The following SPOP variants were observed in gnomAD, a reference collection of about 807,000 sequenced individuals.
SPOP encodes speckle type BTB/POZ protein.
Under a neutral mutation model 45.6 loss-of-function variants are expected in SPOP, and 11 were observed. That is an observed-to-expected ratio of 0.24 (90% CI 0.15 to 0.40). The LOEUF is 0.40. Ranked by LOEUF, SPOP falls within the 10% of genes least tolerant of loss-of-function variation. The pLI is 1.00. For synonymous variants in SPOP, 166 were observed against 166.3 expected (o/e 1.00, Z 0.01); for missense variants, 152 against 465.6 (o/e 0.33, Z 6.20).
intron 1 of SPOP, among the ~76,000 whole-genome samples, chr17:49,664,972 A>C (rs1009971894): frequency 6.6e-6 from 1 of 152,132 alleles, no homozygotes; most frequent in Non-Finnish European, 1.5e-5. Flanking sequence ...TGTTTTTTTC[A>C]ACCCTGCATG....
At chr17:49,665,649 G>GACAC (rs71352530) in intron 1 of SPOP, among the ~76,000 whole-genome samples, 8,057 of 126,594 alleles carry the variant, frequency 0.064, 329 homozygotes, top group Non-Finnish European at 0.072. Flanking sequence ...TATATATACA[G>GACAC]ACACACACAC....
chr17:49,599,860 T>C lies in SPOP; in HGVS notation c.*518A>G. The C allele has an allele frequency of 4.6e-6, 1 of 219,300 alleles. No homozygotes were observed. The highest frequency in any genetic ancestry group is 6.8e-5 in the East Asian group (1 of 14,676). 13.6% of individuals were successfully genotyped at this position (219,300 alleles called of 1,614,324 possible). On this transcript the variant is annotated 3_prime_UTR_variant, in exon 10 of 10. Transcript: ENST00000504102. ...TATGGTGGTAAGGAGTTTTCACAAA[T>C]ATCCAAGTTTTAGCACAGTTAGAAG...
Position 49,649,555 on chromosome 17 carries a change from G to A in SPOP, c.-66-26679C>T, listed in dbSNP as rs1029127390. Among the ~76,000 whole-genome samples, 5 of 150,786 alleles carry A rather than the reference G, an allele frequency of 3.3e-5. No homozygotes were observed. In the South Asian group the frequency reaches 8.4e-4, roughly 25 times the overall value. On this transcript the variant is annotated intron_variant, in intron 1 of 9. Transcript: ENST00000504102. ...CGGTCTCAGAAAAAAAGAAGAGGCCGGGCGCGGTGGCTCACGCCTGTAATC... is the reference window on the plus strand; with the variant it reads ...CGGTCTCAGAAAAAAAGAAGAGGCCAGGCGCGGTGGCTCACGCCTGTAATC...
At chr17:49,623,298 G>A (rs2143305844) in intron 1 of SPOP, among the ~76,000 whole-genome samples, 1 of 152,190 alleles carries the variant, frequency 6.6e-6, no homozygotes, top group Non-Finnish European at 1.5e-5. Context: ...GTGAGCCACC[G>A]CACCCAGCCG....
In SPOP at chr17:49,641,257, T is replaced by C. The variant is rs1235737027; in HGVS notation, c.-66-18381A>G. 4.1e-5 allele frequency among the ~76,000 whole-genome samples: 4 copies of C among 97,552 alleles called. No individual in the cohort carries two copies. The Admixed American group carries it at 5.9e-4, about 14-fold the overall frequency. The allele number at this position is 97,552 out of a possible 152,430, so 64.0% of individuals were successfully genotyped here. On this transcript the variant is annotated intron_variant, in intron 1 of 9. Transcript: ENST00000504102. Reference sequence around the variant, plus strand: ...CAGCCTGGATGACAGAGCAAGACTCTGTCTCCAAAAAAAAAAAAAAAAAAA... The same window carrying C: ...CAGCCTGGATGACAGAGCAAGACTCCGTCTCCAAAAAAAAAAAAAAAAAAA...
In SPOP at chr17:49,677,930, C is replaced by T. The variant is rs888168311; in HGVS notation, c.-67+3G>A. On this transcript the variant is annotated splice_donor_region_variant and intron_variant, in intron 1 of 9. Transcript: ENST00000504102. Reference sequence around the variant, plus strand: ...CTCCCTCGACTCTCCTCCCCCCACTCACCTGAGAGCGGCGGCGACAGCTGC... The same window carrying T: ...CTCCCTCGACTCTCCTCCCCCCACTTACCTGAGAGCGGCGGCGACAGCTGC... The T allele has an allele frequency of 2.5e-5, 9 of 361,312 alleles. No homozygotes were observed. The highest frequency in any genetic ancestry group is 1.7e-4 in the African/African-American group (8 of 47,060). The allele number at this position is 361,312 out of a possible 1,614,324, so 22.4% of individuals were successfully genotyped here.
intron 1 of SPOP, among the ~76,000 whole-genome samples, chr17:49,666,583 T>A (rs922981063): frequency 6.6e-6 from 1 of 152,124 alleles, no homozygotes; most frequent in African/African-American, 2.4e-5. Context: ...ATCCCAGTAC[T>A]TTGAAAGGCC....
chr17:49,662,538 C>T (rs992585724), intron 1 of SPOP, among the ~76,000 whole-genome samples: 6 of 151,938 alleles, frequency 3.9e-5, no homozygotes, highest in Non-Finnish European at 5.9e-5. Flanking sequence ...AAAAATTAGC[C>T]GGGCACCACC....
chr17:49,662,203 C>A (rs1039691597), intron 1 of SPOP, among the ~76,000 whole-genome samples: 34 of 151,472 alleles, frequency 2.2e-4, no homozygotes, highest in Non-Finnish European at 3.4e-4. Context: ...CAGATTTTTG[C>A]CCCCCTCAGA....
intron 1 of SPOP, among the ~76,000 whole-genome samples, chr17:49,626,883 T>G (rs997284322): frequency 2.0e-5 from 3 of 152,030 alleles, no homozygotes; most frequent in African/African-American, 7.2e-5. Flanking sequence ...ACGGAATCTT[T>G]CTCTGTCGCC....
rs2071696015 is a variant in SPOP at position 49,599,302 on chromosome 17, T to A, written c.*1076A>T. On this transcript the variant is annotated 3_prime_UTR_variant, in exon 10 of 10. Coordinates refer to ENST00000504102, the MANE Select transcript of SPOP (RefSeq NM_001007228.2). ...CACACAGTACAAAATAGTAATTATT[T>A]ATATTTTCAAAAAAAAAAAAATTAA... 1 of 220,520 alleles carries A rather than the reference T, an allele frequency of 4.5e-6. No individual in the cohort carries two copies. Among genetic ancestry groups the A allele is most frequent in the Non-Finnish European group, 9.1e-6 (1 of 110,300 alleles). 13.7% of individuals were successfully genotyped at this position (220,520 alleles called of 1,614,324 possible). A position where few individuals can be genotyped will look rare whatever the true frequency, so the allele number is the denominator to read the frequency against.
chr17:49,650,505 G>A (rs1265814429), intron 1 of SPOP, among the ~76,000 whole-genome samples: 12 of 152,120 alleles, frequency 7.9e-5, no homozygotes, highest in Admixed American at 2.0e-4. Context: ...CCTTGAAACC[G>A]GGAGGTGGAG....
At chr17:49,668,490 G>A (rs1294962497) in intron 1 of SPOP, among the ~76,000 whole-genome samples, 1 of 152,082 alleles carries the variant, frequency 6.6e-6, no homozygotes, top group Non-Finnish European at 1.5e-5. Flanking sequence ...TTATAGCACA[G>A]TTAGAACATA....
At chr17:49,647,501 G>A (rs1187364028) in intron 1 of SPOP, among the ~76,000 whole-genome samples, 2 of 151,622 alleles carry the variant, frequency 1.3e-5, no homozygotes, top group Non-Finnish European at 2.9e-5. Flanking sequence ...TTGAGATGGA[G>A]ACAGAGTCTT....
intron 1 of SPOP, among the ~76,000 whole-genome samples, chr17:49,658,112 G>A (rs1449216243): frequency 1.3e-5 from 2 of 152,170 alleles, no homozygotes; most frequent in Non-Finnish European, 2.9e-5. Flanking sequence ...GTTACTTTGA[G>A]AAGTTATTTT....
chr17:49,611,233 T>C (rs1281050288), intron 6 of SPOP, 47 bp downstream of exon 6: 1 of 1,582,568 alleles, frequency 6.3e-7, no homozygotes, highest in East Asian at 2.3e-5. Context: ...CACTTGTTTT[T>C]CCTTATTTCA....
chr17:49,633,176 T>G (rs1329707885), intron 1 of SPOP, among the ~76,000 whole-genome samples: 4 of 152,192 alleles, frequency 2.6e-5, no homozygotes, highest in African/African-American at 9.7e-5. Context: ...CTAAAATGAT[T>G]GTGAGGATTA....
intron 1 of SPOP, among the ~76,000 whole-genome samples, chr17:49,674,594 G>A (rs189799922): frequency 1.8e-4 from 27 of 152,298 alleles, no homozygotes; most frequent in Admixed American, 5.2e-4. Context: ...GCTAGTACCA[G>A]TATTCTGTAC....
rs976379703 is a variant in SPOP, at chr17:49,599,507, T to TG, written c.*870_*871insC. 22 of 100,700 alleles carry TG rather than the reference T, an allele frequency of 2.2e-4. No individual in the cohort carries two copies. Among genetic ancestry groups the TG allele is most frequent in the Non-Finnish European group, 3.2e-4 (16 of 49,830 alleles). 6.2% of individuals were successfully genotyped at this position (100,700 alleles called of 1,614,324 possible). On this transcript the variant is annotated 3_prime_UTR_variant, in exon 10 of 10. Coordinates refer to ENST00000504102, the MANE Select transcript of SPOP (RefSeq NM_001007228.2). The stretch of plus-strand genomic sequence containing the variant: ...TTTTGTTCTGTTTTTGTTTTGTGTG[T>TG]TTTTTTTTTTGTTTGTTTTTTAGAA...
Sources: allele counts gnomAD v4.1 joint callset (sites outside exome capture counted in the v4.1 genomes callset), GRCh38; gene constraint gnomAD v4.1.1; transcripts MANE v1.5; gene names NCBI Gene and HGNC (gene_info 2026-07-23, HGNC 2026-07-21).